SMYD3: variants seen among roughly 807,000 people sequenced by gnomAD.
SMYD3 encodes SET and MYND domain containing 3, also known as histone-lysine N-methyltransferase SMYD3.
A neutral mutation model predicts 57.7 loss-of-function variants in SMYD3; 36 were observed. The ratio of observed to expected loss-of-function variants is 0.62; its 90% CI spans 0.48 to 0.82. SMYD3 has a LOEUF of 0.82. Ranked by LOEUF, SMYD3 falls within the 40% of genes least tolerant of loss-of-function variation. The pLI, the probability that SMYD3 is intolerant of heterozygous loss-of-function variation, is 0.00. For missense variants in SMYD3, 515 were observed against 538.8 expected, an observed-to-expected ratio of 0.96 and a Z score of 0.44; for synonymous variants, 211 against 195.0, an observed-to-expected ratio of 1.08 and a Z score of -0.68.
intron 5 of SMYD3, among the ~76,000 whole-genome samples, chr1:246,123,551 A>G (rs1408529344): frequency 1.3e-5 from 2 of 150,540 alleles, no homozygotes; most frequent in Non-Finnish European, 3.0e-5. Context: ...CCTGGGAGAC[A>G]GAGTGAGACT....
intron 1 of SMYD3, among the ~76,000 whole-genome samples, chr1:246,395,614 ATGG>A (rs1456319191): frequency 0.032 from 1,043 of 32,798 alleles, 6 homozygotes; most frequent in African/African-American, 0.076. Flanking sequence ...GGAACCCACC[ATGG>A]CTGGACAGGG....
chr1:246,221,489 G>A (rs1437314556), intron 5 of SMYD3, among the ~76,000 whole-genome samples: 9 of 152,182 alleles, frequency 5.9e-5, no homozygotes, highest in African/African-American at 9.7e-5. Context: ...GCAACCCTTC[G>A]GGTAGCCCAG....
chr1:245,803,635 T>C (rs984220721), intron 10 of SMYD3, among the ~76,000 whole-genome samples: 1 of 152,218 alleles, frequency 6.6e-6, no homozygotes, highest in Non-Finnish European at 1.5e-5. Context: ...AAAACGACAT[T>C]ATAGAAATGC....
At chr1:245,839,314 T>C (rs61583416) in intron 10 of SMYD3, among the ~76,000 whole-genome samples, 3,081 of 151,990 alleles carry the variant, frequency 0.02, 104 homozygotes, top group African/African-American at 0.07. Context: ...GGACTACAGG[T>C]GCCTGCCACA....
intron 5 of SMYD3, among the ~76,000 whole-genome samples, chr1:246,066,676 T>C (rs1050406864): frequency 2.6e-5 from 4 of 152,228 alleles, no homozygotes; most frequent in African/African-American, 9.6e-5. Flanking sequence ...TCCTTGCTAA[T>C]TGCTTAAGTT....
chr1:245,964,282 C>T (rs960909404), intron 5 of SMYD3, among the ~76,000 whole-genome samples: 1 of 152,210 alleles, frequency 6.6e-6, no homozygotes, highest in African/African-American at 2.4e-5. Context: ...AACCTCCCAC[C>T]AGGCCCCACC....
intron 10 of SMYD3, among the ~76,000 whole-genome samples, chr1:245,854,096 A>T (rs759558719): frequency 1.7e-4 from 26 of 152,226 alleles, no homozygotes; most frequent in Admixed American, 4.6e-4. Flanking sequence ...AACAAAATTA[A>T]TATCAACAAA....
At chr1:246,239,278 T>G (rs1017346565) in intron 5 of SMYD3, among the ~76,000 whole-genome samples, 12 of 152,076 alleles carry the variant, frequency 7.9e-5, no homozygotes, top group Non-Finnish European at 1.8e-4. Flanking sequence ...CCCTGGTGTG[T>G]GATGTTCCCC....
intron 10 of SMYD3, among the ~76,000 whole-genome samples, chr1:245,840,126 G>A (rs2050327658): frequency 6.6e-6 from 1 of 151,798 alleles, no homozygotes; most frequent in Non-Finnish European, 1.5e-5. Flanking sequence ...GAAAAACAGA[G>A]GAAATAAAAT....
At chr1:245,769,329 A>G (rs2046244013) in intron 10 of SMYD3, among the ~76,000 whole-genome samples, 1 of 152,230 alleles carries the variant, frequency 6.6e-6, no homozygotes, top group Non-Finnish European at 1.5e-5. Flanking sequence ...CCACCCCTCA[A>G]CGATCCTTGT....
intron 1 of SMYD3, among the ~76,000 whole-genome samples, chr1:246,401,982 A>G (rs1254209970): frequency 6.6e-6 from 1 of 152,218 alleles, no homozygotes; most frequent in Non-Finnish European, 1.5e-5. Flanking sequence ...CCAGCCTCCC[A>G]AAGTGCTGGG....
At chr1:245,773,009 A>G (rs1228093035) in intron 10 of SMYD3, among the ~76,000 whole-genome samples, 1 of 149,862 alleles carries the variant, frequency 6.7e-6, no homozygotes, top group Non-Finnish European at 1.5e-5. Flanking sequence ...TTCCAGGGCT[A>G]GTAAATGTAT....
chr1:246,395,249 T>C (rs2066640813), intron 1 of SMYD3, among the ~76,000 whole-genome samples: 3 of 152,246 alleles, frequency 2.0e-5, no homozygotes, highest in African/African-American at 7.2e-5. Flanking sequence ...AGCATGGATC[T>C]TTTGGAACGA....
At chr1:246,415,211 T>G (rs548844503) in intron 1 of SMYD3, among the ~76,000 whole-genome samples, 1 of 152,286 alleles carries the variant, frequency 6.6e-6, no homozygotes, top group South Asian at 2.1e-4. Flanking sequence ...GTCAACAATT[T>G]TTCTACAAAA....
chr1:246,470,859 G>C (rs1222663646), intron 1 of SMYD3, among the ~76,000 whole-genome samples: 1 of 152,172 alleles, frequency 6.6e-6, no homozygotes, highest in Non-Finnish European at 1.5e-5. Context: ...ATTTGACTAA[G>C]TGTAGAATGG....
chr1:246,359,888 T>C (rs1236636146), intron 1 of SMYD3, among the ~76,000 whole-genome samples: 1 of 152,134 alleles, frequency 6.6e-6, no homozygotes, highest in African/African-American at 2.4e-5. Context: ...TCATTCCCCC[T>C]GAGAAATGAA....
At chr1:245,883,575 C>A (rs2052912746) in intron 8 of SMYD3, among the ~76,000 whole-genome samples, 1 of 152,106 alleles carries the variant, frequency 6.6e-6, no homozygotes, top group Non-Finnish European at 1.5e-5. Context: ...TAATTTCTTT[C>A]TTTTGGGGTC....
chr1:246,470,433 T>A (rs934487220), intron 1 of SMYD3, among the ~76,000 whole-genome samples: 2 of 150,906 alleles, frequency 1.3e-5, no homozygotes, highest in African/African-American at 2.4e-5. Context: ...AAGGCGGAGG[T>A]TGCAGTGCCC....
rs113402894 is a variant in SMYD3 at position 246,164,244 on chromosome 1, A to G, written c.531+162957T>C. ...CAGACCAGACTGGCCAATATGGTGA[A>G]ACCCTGTCTCTACTAAAAATACAAA... On this transcript the variant is annotated intron_variant, in intron 5 of 11. Transcript: ENST00000490107. Among the ~76,000 whole-genome samples, 243 of 152,192 alleles carry G rather than the reference A, an allele frequency of 1.6e-3. 1 individual carries two copies. The highest frequency in any genetic ancestry group is 5.4e-3 in the African/African-American group (225 of 41,518).
Sources: allele counts gnomAD v4.1 joint callset (sites outside exome capture counted in the v4.1 genomes callset), GRCh38; gene constraint gnomAD v4.1.1; transcripts MANE v1.5; gene names NCBI Gene and HGNC (gene_info 2026-07-23, HGNC 2026-07-21).